Variants in DSG4 observed in about 807,000 individuals in gnomAD.
DSG4 encodes the protein desmoglein-4.
Under a neutral mutation model 93.1 loss-of-function variants are expected in DSG4, and 87 were observed. That is an observed-to-expected ratio of 0.93 (90% CI 0.79 to 1.12). The LOEUF is 1.12. Ranked by LOEUF, DSG4 falls within the 50% of genes most tolerant of loss-of-function variation. The pLI is 0.00. For synonymous variants in DSG4, 432 were observed against 452.9 expected, an observed-to-expected ratio of 0.95 and a Z score of 0.59; for missense variants, 1,373 against 1,285.7, an observed-to-expected ratio of 1.07 and a Z score of -1.04.
At chr18:31,392,427 T>A in intron 8 of DSG4, 87 bp downstream of exon 8, 13 of 1,356,882 alleles carry the variant, frequency 9.6e-6, no homozygotes, top group Non-Finnish European at 1.1e-5. Context: ...AATCTGCCTT[T>A]AAAAAAAAGT....
intron 11 of DSG4, among the ~76,000 whole-genome samples, chr18:31,405,318 G>A (rs1283659567): frequency 6.6e-6 from 1 of 152,008 alleles, no homozygotes; most frequent in African/African-American, 2.4e-5. Context: ...TAAATGAAAG[G>A]GCAACAATTT....
intron 14 of DSG4, 147 bp from the exon 15 acceptor site, chr18:31,411,084 G>C (rs559058148): frequency 1.3e-6 from 2 of 1,564,042 alleles, no homozygotes; most frequent in East Asian, 2.4e-5. Flanking sequence ...AGATGTATCG[G>C]TGTAACTTGT....
intron 15 of DSG4, 75 bp downstream of exon 15, chr18:31,411,523 G>C: frequency 6.6e-7 from 1 of 1,524,362 alleles, no homozygotes; most frequent in Non-Finnish European, 9.0e-7. Flanking sequence ...CACAATGGTA[G>C]TAGGCCTCTT....
chr18:31,411,940 G>A (rs2072499193), intron 15 of DSG4, among the ~76,000 whole-genome samples: 1 of 152,194 alleles, frequency 6.6e-6, no homozygotes, highest in African/African-American at 2.4e-5. Flanking sequence ...AGACCTAGAA[G>A]ATAGCTCTCC....
At chr18:31,398,331 A>G (rs2072327794) in intron 8 of DSG4, among the ~76,000 whole-genome samples, 2 of 152,306 alleles carry the variant, frequency 1.3e-5, no homozygotes, top group South Asian at 4.1e-4. Flanking sequence ...ATCTCCAAAG[A>G]AGAACCCAAG....
chr18:31,399,166 T>A (rs773118885), intron 8 of DSG4, 106 bp from the exon 9 acceptor site: 60 of 1,427,026 alleles, frequency 4.2e-5, no homozygotes, highest in Non-Finnish European at 5.6e-5. Flanking sequence ...AAACAGCGTA[T>A]CTCCTGGACC....
chr18:31,376,846 G>C lies in DSG4; in HGVS notation c.-66G>C, dbSNP rs142563540. The C allele has an allele frequency of 6.3e-7, 1 of 1,580,124 alleles. No homozygotes were observed. Among genetic ancestry groups the C allele is most frequent in the African/African-American group, 1.3e-5 (1 of 74,080 alleles). ...CATATCTTTCTGTAGAGCAGAATTC[G>C]GAACTGAGAAGACGAGGGCTCAAAT... is the stretch of plus-strand genomic sequence containing the variant. On this transcript the variant is annotated 5_prime_UTR_variant, in exon 1 of 16. Transcript: ENST00000308128.
rs2072245851 is a variant in DSG4, at chr18:31,391,226, CT to C, written c.819+16del. 6.2e-7 allele frequency: 1 copy of C among 1,612,948 alleles called. No homozygotes were observed. Among genetic ancestry groups the C allele is most frequent in the Non-Finnish European group, 8.5e-7 (1 of 1,179,374 alleles). ...GAGAAAACTTCAGTAAGTTTGTATTCTTATCTTCCTTTTTCCATAAGTGTCA... is the reference window on the plus strand; with the variant it reads ...GAGAAAACTTCAGTAAGTTTGTATTCTATCTTCCTTTTTCCATAAGTGTCA... On this transcript the variant is annotated intron_variant, in intron 7 of 15. Coordinates refer to ENST00000308128, the MANE Select transcript of DSG4 (RefSeq NM_177986.5).
chr18:31,411,966 G>A (rs1383631136), intron 15 of DSG4, among the ~76,000 whole-genome samples: 1 of 152,184 alleles, frequency 6.6e-6, no homozygotes, highest in East Asian at 1.9e-4. Context: ...TCAGTCCAGT[G>A]ACTTATCCAC....
chr18:31,413,182 G>A lies in DSG4; in HGVS notation c.2710G>A (p.Asp904Asn). ...AGCATCTGAACCCGTGGTCCATGGG[G>A]ATATTATTGTGACTGAGACTTACGG... Reference protein sequence around the residue: ...MAASEPVVHGDIIVTETYGNA... With the variant: ...MAASEPVVHGNIIVTETYGNA... Residue 904 changes from aspartate (D) to asparagine (N), a missense_variant, in exon 16 of 16, where the codon GAT (aspartate) becomes AAT (asparagine). Coordinates refer to ENST00000308128, the MANE Select transcript of DSG4 (RefSeq NM_177986.5). 1 of 1,614,094 alleles carries A rather than the reference G, an allele frequency of 6.2e-7. No individual in the cohort carries two copies. Among genetic ancestry groups the A allele is most frequent in the Non-Finnish European group, 8.5e-7 (1 of 1,180,016 alleles).
chr18:31,381,394 T>A (rs2072132937), intron 1 of DSG4, among the ~76,000 whole-genome samples: 1 of 150,052 alleles, frequency 6.7e-6, no homozygotes, highest in African/African-American at 2.5e-5. Flanking sequence ...AAAAAAAAAA[T>A]GTTCATGGGA....
At position 31,400,895 on chromosome 18, in the gene DSG4, A is replaced by G. The variant is rs1330748624; in HGVS notation, c.1292A>G (p.His431Arg). 2 of 1,612,438 alleles carry G rather than the reference A, an allele frequency of 1.2e-6. No individual in the cohort carries two copies. Among genetic ancestry groups the G allele is most frequent in the Non-Finnish European group, 1.7e-6 (2 of 1,179,026 alleles). ...TTTAAAAACAGATATATCATAGGGC[A>G]TGATGCAGGCAGCTGGTTAAAAATT... Reference protein sequence around the residue: ...PATDVRYIIGHDAGSWLKIDS... With the variant: ...PATDVRYIIGRDAGSWLKIDS... Residue 431 changes from histidine (H) to arginine (R), a missense_variant, in exon 10 of 16, where the codon CAT becomes CGT. By Grantham distance (29) the His-to-Arg change is conservative. Coordinates refer to ENST00000308128, the MANE Select transcript of DSG4 (RefSeq NM_177986.5).
At position 31,406,274 on chromosome 18, in the gene DSG4, A is replaced by T; in HGVS notation, c.1834A>T (p.Thr612Ser). 3 of 1,614,210 alleles carry T rather than the reference A, an allele frequency of 1.9e-6. No homozygotes were observed. Among genetic ancestry groups the T allele is most frequent in the Non-Finnish European group, 2.5e-6 (3 of 1,180,046 alleles). ...CTACACAGAGGACATAACTGGTGACACGTATGGGCCTGTCACTGAAGACCA... is the reference window on the plus strand; with the variant it reads ...CTACACAGAGGACATAACTGGTGACTCGTATGGGCCTGTCACTGAAGACCA... ...GIYTEDITGD[T>S]YGPVTEDQAG... The change falls in exon 12 of 16, where the codon ACG (threonine) becomes TCG (serine). Residue 612 changes from threonine (T) to serine (S), a missense_variant. Physicochemically the swap from Thr to Ser is moderately conservative, Grantham distance 58 (BLOSUM62 1). Coordinates refer to ENST00000308128, the MANE Select transcript of DSG4 (RefSeq NM_177986.5).
chr18:31,377,869 C>G (rs1466615697), intron 1 of DSG4, among the ~76,000 whole-genome samples: 1 of 152,194 alleles, frequency 6.6e-6, no homozygotes, highest in African/African-American at 2.4e-5. Flanking sequence ...CAGGTTAGCG[C>G]TACAACCTAA....
rs1235053180 is a variant in DSG4, at chr18:31,399,299, A to G, written c.1033A>G (p.Ile345Val). The change falls in exon 9 of 16, where the codon ATT (isoleucine) becomes GTT (valine). Residue 345 changes from isoleucine to valine, a missense_variant. Physicochemically the swap from Ile to Val is conservative, Grantham distance 29. Transcript: ENST00000308128. ...GCTGGATTATGAACAAGCACCTAAC[A>G]TTCAGCTTAGTATCGGAGTTAAAAA... is the stretch of plus-strand genomic sequence containing the variant. Reference protein sequence around the residue: ...KMLDYEQAPNIQLSIGVKNQA... With the variant: ...KMLDYEQAPNVQLSIGVKNQA... The G allele has an allele frequency of 6.2e-7, 1 of 1,613,942 alleles. No homozygotes were observed. The highest frequency in any genetic ancestry group is 8.5e-7 in the Non-Finnish European group (1 of 1,179,956).
intron 11 of DSG4, 120 bp downstream of exon 11, chr18:31,403,754 T>A: frequency 1.1e-6 from 1 of 897,272 alleles, no homozygotes; most frequent in Non-Finnish European, 1.8e-6. Flanking sequence ...CTTGCCATAT[T>A]AACATTAAAT....
chr18:31,386,864 G>A (rs769782501), intron 3 of DSG4, 45 bp downstream of exon 3: 5 of 1,610,800 alleles, frequency 3.1e-6, no homozygotes, highest in African/African-American at 2.7e-5. Flanking sequence ...TGCAGAGCAG[G>A]GAAGCTTTCA....
intron 8 of DSG4, among the ~76,000 whole-genome samples, chr18:31,395,491 A>G (rs1291112025): frequency 1.3e-5 from 2 of 152,182 alleles, no homozygotes; most frequent in Non-Finnish European, 2.9e-5. Context: ...CTACCTAGCC[A>G]AAAGAACTAT....
Position 31,389,072 on chromosome 18 carries a change from C to A in DSG4, c.517+54C>A, listed in dbSNP as rs567223520. The A allele has an allele frequency of 2.5e-6, 4 of 1,601,000 alleles. No individual in the cohort carries two copies. In the South Asian group the frequency reaches 4.4e-5, roughly 18 times the overall value. On this transcript the variant is annotated intron_variant, in intron 5 of 15. Coordinates refer to ENST00000308128, the MANE Select transcript of DSG4 (RefSeq NM_177986.5). The stretch of plus-strand genomic sequence containing the variant: ...TCACAGCATATCTACTTCTCTTGGT[C>A]AAAAGCTTTAGAGGACTGACATACA...
Sources: gnomAD v4.1 joint callset for allele counts (sites outside exome capture counted in the v4.1 genomes callset) on GRCh38, gnomAD v4.1.1 for gene constraint, MANE v1.5 for transcripts, NCBI Gene and HGNC (gene_info 2026-07-23, HGNC 2026-07-21) for gene names.